PACSIN1: variants seen among roughly 807,000 people sequenced by gnomAD.
PACSIN1 encodes protein kinase C and casein kinase substrate in neurons 1.
PACSIN1 carries 15 observed loss-of-function variants against 59.5 expected under a neutral mutation model. That is an observed-to-expected ratio of 0.25 (90% CI 0.17 to 0.39). The LOEUF (loss-of-function observed/expected upper bound fraction) is 0.39, where lower values mean the gene tolerates loss of function less well. Among genes scored for constraint, PACSIN1 ranks in the 10% least tolerant of loss-of-function variants. The pLI is 1.00. For synonymous variants in PACSIN1, 210 were observed against 220.6 expected, an observed-to-expected ratio of 0.95 and a Z score of 0.42; for missense variants, 420 against 580.2, an observed-to-expected ratio of 0.72 and a Z score of 2.84.
intron 1 of PACSIN1, among the ~76,000 whole-genome samples, chr6:34,512,494 C>T (rs754365010): frequency 2.0e-5 from 3 of 152,164 alleles, no homozygotes; most frequent in Non-Finnish European, 4.4e-5. Context: ...CCCTCCCTGT[C>T]CCCCAGCTGA....
At chr6:34,512,544 C>T (rs920506200) in intron 1 of PACSIN1, among the ~76,000 whole-genome samples, 3 of 152,134 alleles carry the variant, frequency 2.0e-5, no homozygotes, top group African/African-American at 4.8e-5. Flanking sequence ...TCTTGGGCGC[C>T]GGGAGTCCCC....
At chr6:34,507,905 A>G (rs2127262052) in intron 1 of PACSIN1, among the ~76,000 whole-genome samples, 1 of 152,338 alleles carries the variant, frequency 6.6e-6, no homozygotes, top group Non-Finnish European at 1.5e-5. Flanking sequence ...GCTAAATATT[A>G]TTCCACTGTG....
chr6:34,497,877 T>C (rs60916679), intron 1 of PACSIN1, among the ~76,000 whole-genome samples: 1,958 of 152,218 alleles, frequency 0.013, 37 homozygotes, highest in African/African-American at 0.044. Context: ...CGCCTCATGC[T>C]AGAAACTGAG....
chr6:34,527,255 T>C lies in PACSIN1; in HGVS notation c.64-77T>C, dbSNP rs897188071. The C allele has an allele frequency of 3.7e-6, 5 of 1,361,462 alleles. No individual in the cohort carries two copies. In the African/African-American group the frequency reaches 6.1e-5, roughly 17 times the overall value. The allele number at this position is 1,361,462 out of a possible 1,614,324, so 84.3% of individuals were successfully genotyped here. On this transcript the variant is annotated intron_variant, in intron 2 of 9. Transcript: ENST00000244458. ...GAGGCGGGGCGGAAGACAGTGGGCG[T>C]GGCCGTGCTGGATGCGGCGGGCGGG...
Position 34,531,687 on chromosome 6 carries a change from C to T in PACSIN1, c.1125C>T (p.Asn375=), listed in dbSNP as rs149094256. Residue 375 remains asparagine (N), a synonymous_variant, in exon 9 of 10, where the codon AAC becomes AAT. Transcript: ENST00000244458. The surrounding 1 kb of genome is among the most constrained non-coding windows in gnomAD (Gnocchi z 4.4). ...ACCCCTTTGGGGGCAGTGAGACCAA[C>T]GGGGGCGCCAACCCCTTTGAGGACG... The part of the protein sequence containing the change: ...SGNPFGGSET[N]GGANPFEDDS... 3.1e-6 allele frequency: 5 copies of T among 1,613,598 alleles called. No individual in the cohort carries two copies. Among genetic ancestry groups the T allele is most frequent in the Admixed American group, 3.3e-5 (2 of 59,900 alleles).
At chr6:34,503,275 A>AAAAAAG (rs56145565) in intron 1 of PACSIN1, among the ~76,000 whole-genome samples, 25,848 of 148,000 alleles carry the variant, frequency 0.17, 2,978 homozygotes, top group Middle Eastern at 0.32. Flanking sequence ...TCAAAAAAAA[A>AAAAAAG]AAAAAGAAAA....
At chr6:34,504,289 TA>T (rs1317431404) in intron 1 of PACSIN1, among the ~76,000 whole-genome samples, 38 of 74,172 alleles carry the variant, frequency 5.1e-4, no homozygotes, top group African/African-American at 1.4e-3. Flanking sequence ...TATATATATA[TA>T]TTTTTTTTTT....
rs866886309 is a variant in PACSIN1, at chr6:34,513,220, A to G, written c.-63-13023A>G. ...GGCATCTCTAATACTGGAATGCTTC[A>G]TGCAGCTATGTTTGAGTTTCACTGG... On this transcript the variant is annotated intron_variant, in intron 1 of 9. Coordinates refer to ENST00000244458, the MANE Select transcript of PACSIN1 (RefSeq NM_020804.5). 5.3e-5 allele frequency among the ~76,000 whole-genome samples: 8 copies of G among 152,192 alleles called. No individual in the cohort carries two copies. The South Asian group carries it at 1.4e-3, about 28-fold the overall frequency.
rs185767842 is a variant in PACSIN1, at chr6:34,493,676, G to A, written c.-64+27406G>A. On this transcript the variant is annotated intron_variant, in intron 1 of 9. Transcript: ENST00000244458. The stretch of plus-strand genomic sequence containing the variant: ...AGTGCTCCCCAATGGGTAGGAGGAC[G>A]TGAGATGTGGGGAGCCCTTGGACCA... 2.8e-3 allele frequency among the ~76,000 whole-genome samples: 420 copies of A among 152,340 alleles called. 1 individual carries two copies. The highest frequency in any genetic ancestry group is 9.5e-3 in the African/African-American group (397 of 41,578).
At chr6:34,476,210 G>A (rs376111028) in intron 1 of PACSIN1, among the ~76,000 whole-genome samples, 4 of 152,272 alleles carry the variant, frequency 2.6e-5, no homozygotes, top group South Asian at 2.1e-4. Flanking sequence ...ACAACACGAT[G>A]TCTGTTGAGC....
At chr6:34,501,785 C>G (rs928048987) in intron 1 of PACSIN1, among the ~76,000 whole-genome samples, 4 of 152,088 alleles carry the variant, frequency 2.6e-5, no homozygotes, top group Admixed American at 2.0e-4. Context: ...TAATCCAGCA[C>G]TTTGGGAGGC....
rs1305394572 is a variant in PACSIN1, at chr6:34,529,842, G to A, written c.788+1G>A. On this transcript the variant is annotated splice_donor_variant, in intron 6 of 9. Coordinates refer to ENST00000244458, the MANE Select transcript of PACSIN1 (RefSeq NM_020804.5). LOFTEE classifies it high-confidence loss of function. This position sits in a 1 kb window ranked among gnomAD's most constrained non-coding sequence, Gnocchi z 6.3. Reference sequence around the variant, plus strand: ...ACCTCAACCTGGCTGAGAACAGCAGGTACCTGGGCATGGCAGGCACCGAGG... The same window carrying A: ...ACCTCAACCTGGCTGAGAACAGCAGATACCTGGGCATGGCAGGCACCGAGG... The A allele has an allele frequency of 6.2e-7, 1 of 1,612,952 alleles. No homozygotes were observed. The highest frequency in any genetic ancestry group is 8.5e-7 in the Non-Finnish European group (1 of 1,179,528).
chr6:34,523,561 G>C (rs188904884), intron 1 of PACSIN1, among the ~76,000 whole-genome samples: 1 of 152,370 alleles, frequency 6.6e-6, no homozygotes, highest in East Asian at 1.9e-4. Flanking sequence ...CCACTGGTGA[G>C]AGAAGGCAGA....
At position 34,531,718 on chromosome 6, in the gene PACSIN1, A is replaced by G; in HGVS notation, c.1156A>G (p.Lys386Glu). ...GGANPFEDDS[K>E]GVRVRALYDY... ...CGCCAACCCCTTTGAGGACGACTCC[A>G]AGGGAGTGCGCGTGCGGGCACTCTA... The change falls in exon 9 of 10, where the codon AAG (lysine) becomes GAG (glutamate). Residue 386 changes from lysine (K) to glutamate (E), a missense_variant. Lys to Glu is a moderately conservative substitution (Grantham distance 56). Transcript: ENST00000244458. The surrounding 1 kb of genome is among the most constrained non-coding windows in gnomAD (Gnocchi z 4.4). The G allele has an allele frequency of 6.2e-7, 1 of 1,610,486 alleles. No individual in the cohort carries two copies. Among genetic ancestry groups the G allele is most frequent in the Non-Finnish European group, 8.5e-7 (1 of 1,178,110 alleles).
intron 1 of PACSIN1, among the ~76,000 whole-genome samples, chr6:34,487,633 C>G (rs1009528875): frequency 6.6e-6 from 1 of 152,148 alleles, no homozygotes; most frequent in African/African-American, 2.4e-5. Context: ...CACATGGAAC[C>G]CTGAAGCTGG....
chr6:34,473,269 A>G (rs1766596713), intron 1 of PACSIN1, among the ~76,000 whole-genome samples: 1 of 151,704 alleles, frequency 6.6e-6, no homozygotes, highest in Non-Finnish European at 1.5e-5. Flanking sequence ...AGCAGGGACA[A>G]AGATGCAAAG....
chr6:34,475,750 A>G (rs1766630931), intron 1 of PACSIN1, among the ~76,000 whole-genome samples: 1 of 152,224 alleles, frequency 6.6e-6, no homozygotes, highest in Non-Finnish European at 1.5e-5. Flanking sequence ...GGACACTGGC[A>G]GTACCCCCTC....
rs562430118 is a variant in PACSIN1, at chr6:34,526,430, TC to T, written c.63+65del. 2.1e-3 allele frequency: 2,918 copies of T among 1,405,428 alleles called. 7 individuals are homozygous for T. Among genetic ancestry groups the T allele is most frequent in the South Asian group, 2.4e-3 (202 of 85,166 alleles). The allele number at this position is 1,405,428 out of a possible 1,614,324, so 87.1% of individuals were successfully genotyped here. On this transcript the variant is annotated intron_variant, in intron 2 of 9. Transcript: ENST00000244458. Reference sequence around the variant, plus strand: ...CAGCCTGGCTGTTTGGAGGCCAGGCTCCCTTATCACTCACCCCATGACCTCA... The same window carrying T: ...CAGCCTGGCTGTTTGGAGGCCAGGCTCCTTATCACTCACCCCATGACCTCA...
At chr6:34,467,105 C>T (rs980709088) in intron 1 of PACSIN1, among the ~76,000 whole-genome samples, 1 of 152,138 alleles carries the variant, frequency 6.6e-6, no homozygotes, top group Non-Finnish European at 1.5e-5. Context: ...CCACATTGCC[C>T]CAGCCCCTGG....
Sources: allele counts gnomAD v4.1 joint callset (sites outside exome capture counted in the v4.1 genomes callset), GRCh38; gene constraint gnomAD v4.1.1; non-coding constraint Gnocchi (gnomAD v3.1); transcripts MANE v1.5; gene names NCBI Gene and HGNC (gene_info 2026-07-23, HGNC 2026-07-21).